OLFM3: variants seen among roughly 807,000 people sequenced by gnomAD.
OLFM3 encodes noelin-3.
A neutral mutation model predicts 48.6 loss-of-function variants in OLFM3; 20 were observed. The observed-to-expected ratio is 0.41, with a 90% CI of 0.29 to 0.60. The LOEUF is 0.60. OLFM3 is among the 20% of genes least tolerant of loss of function. The probability of loss-of-function intolerance (pLI) is 0.28; values close to 1 mark genes in which losing one functional copy is unlikely to be tolerated. For missense variants in OLFM3, 437 were observed against 544.3 expected (o/e 0.80, Z 1.96); for synonymous variants, 222 against 198.1 (o/e 1.12, Z -1.01).
At chr1:101,810,713 A>G (rs890539842) in intron 4 of OLFM3, among the ~76,000 whole-genome samples, 1 of 151,992 alleles carries the variant, frequency 6.6e-6, no homozygotes, top group African/African-American at 2.4e-5. Flanking sequence ...TTTATCCTGT[A>G]AGGAATAGAT....
At chr1:101,896,041 T>C (rs1490674030) in intron 1 of OLFM3, among the ~76,000 whole-genome samples, 3 of 151,332 alleles carry the variant, frequency 2.0e-5, no homozygotes, top group Non-Finnish European at 4.4e-5. Context: ...TCGATTTATG[T>C]AATAAAATAT....
chr1:101,945,702 C>A (rs1336788), intron 1 of OLFM3, among the ~76,000 whole-genome samples: 60,757 of 151,616 alleles, frequency 0.4, 12,425 homozygotes, highest in East Asian at 0.51. Context: ...AATCATAGCA[C>A]TTTGAAAGGC....
At chr1:101,927,515 A>G (rs1456224620) in intron 1 of OLFM3, among the ~76,000 whole-genome samples, 1 of 151,934 alleles carries the variant, frequency 6.6e-6, no homozygotes. Flanking sequence ...TAGCAGCACT[A>G]TGGAAAATTT....
intron 1 of OLFM3, among the ~76,000 whole-genome samples, chr1:101,948,934 A>G (rs565698559): frequency 7.3e-4 from 109 of 149,960 alleles, no homozygotes; most frequent in African/African-American, 2.6e-3. Flanking sequence ...AACAACAACA[A>G]AAAACAAAAG....
chr1:101,821,813 G>T (rs1357937766), intron 4 of OLFM3, among the ~76,000 whole-genome samples: 1 of 152,048 alleles, frequency 6.6e-6, no homozygotes, highest in Non-Finnish European at 1.5e-5. Context: ...AAATAAGAAA[G>T]TTGAATACCG....
intron 2 of OLFM3, among the ~76,000 whole-genome samples, chr1:101,831,683 A>G (rs1655158331): frequency 6.6e-6 from 1 of 152,236 alleles, no homozygotes; most frequent in African/African-American, 2.4e-5. Flanking sequence ...GTTAGTACTC[A>G]AAGCAACAAT....
intron 1 of OLFM3, among the ~76,000 whole-genome samples, chr1:101,935,610 C>T (rs947293245): frequency 8.5e-5 from 13 of 152,116 alleles, no homozygotes; most frequent in Non-Finnish European, 1.8e-4. Context: ...AGGGATTCCT[C>T]CCTAACTTAT....
At chr1:101,824,950 T>TA in intron 4 of OLFM3, 76 bp downstream of exon 4, 1 of 1,276,786 alleles carries the variant, frequency 7.8e-7, no homozygotes, top group Non-Finnish European at 1.1e-6. Flanking sequence ...TATGACTCTT[T>TA]ATAAAACGTA....
At chr1:101,927,695 T>C (rs1427016885) in intron 1 of OLFM3, among the ~76,000 whole-genome samples, 1 of 150,298 alleles carries the variant, frequency 6.7e-6, no homozygotes, top group Admixed American at 6.7e-5. Context: ...AGCAAGTATA[T>C]ATATATGTAT....
chr1:101,973,224 T>C (rs1660859245), intron 1 of OLFM3, among the ~76,000 whole-genome samples: 1 of 152,162 alleles, frequency 6.6e-6, no homozygotes, highest in Non-Finnish European at 1.5e-5. Flanking sequence ...AGTGCTGTAA[T>C]TTAGTCTGAG....
chr1:101,845,391 A>G (rs1185551123), intron 1 of OLFM3, among the ~76,000 whole-genome samples: 3 of 152,190 alleles, frequency 2.0e-5, no homozygotes, highest in African/African-American at 7.2e-5. Flanking sequence ...TCAACAATAA[A>G]AAAAAACCAA....
intron 3 of OLFM3, among the ~76,000 whole-genome samples, chr1:101,825,766 C>T (rs1379092928): frequency 6.6e-6 from 1 of 152,112 alleles, no homozygotes; most frequent in Non-Finnish European, 1.5e-5. Context: ...TTTTCTGACA[C>T]TTAGAATTTT....
intron 1 of OLFM3, among the ~76,000 whole-genome samples, chr1:101,912,818 G>A (rs964141426): frequency 6.6e-6 from 1 of 152,104 alleles, no homozygotes; most frequent in Non-Finnish European, 1.5e-5. Context: ...TGGAAAAATT[G>A]CTATAAATTT....
intron 1 of OLFM3, among the ~76,000 whole-genome samples, chr1:101,903,526 A>T (rs1267928050): frequency 3.3e-5 from 5 of 152,086 alleles, no homozygotes; most frequent in African/African-American, 1.2e-4. Flanking sequence ...TCCGTGCATG[A>T]TGTTAACTGT....
intron 2 of OLFM3, among the ~76,000 whole-genome samples, chr1:101,831,182 T>G (rs1177633335): frequency 6.6e-6 from 1 of 152,234 alleles, no homozygotes; most frequent in Non-Finnish European, 1.5e-5. Flanking sequence ...AAGTTGTTTC[T>G]GTAAGTACTA....
rs577550011 is a variant in OLFM3, at chr1:101,913,402, T to C, written c.70-76377A>G. Among the ~76,000 whole-genome samples, 9 of 152,274 alleles carry C rather than the reference T, an allele frequency of 5.9e-5. No homozygotes were observed. The South Asian group carries it at 1.2e-3, about 21-fold the overall frequency. ...ACTTCTTGGAAAAGGAGTATTACTA[T>C]TACCAGTTAACAGAAAATATTTAAA... On this transcript the variant is annotated intron_variant, in intron 1 of 5. Transcript: ENST00000370103.
intron 1 of OLFM3, among the ~76,000 whole-genome samples, chr1:101,839,133 T>A (rs1655583705): frequency 6.6e-6 from 1 of 152,236 alleles, no homozygotes; most frequent in South Asian, 2.1e-4. Context: ...ATCTTTTGAA[T>A]GTCTTATTTT....
Position 101,881,539 on chromosome 1 carries a change from A to G in OLFM3, c.70-44514T>C, listed in dbSNP as rs1286076207. ...TAATAAGACTCAGTGCTTATTTTTTAAACTGCATTTTAAAAATTGGATAGT... is the reference window on the plus strand; with the variant it reads ...TAATAAGACTCAGTGCTTATTTTTTGAACTGCATTTTAAAAATTGGATAGT... On this transcript the variant is annotated intron_variant, in intron 1 of 5. Transcript: ENST00000370103. Among the ~76,000 whole-genome samples the G allele has an allele frequency of 2.0e-5, 3 of 151,946 alleles. No individual in the cohort carries two copies. In the South Asian group the frequency reaches 6.2e-4, roughly 31 times the overall value.
chr1:101,817,032 A>G (rs1654366521), intron 4 of OLFM3, among the ~76,000 whole-genome samples: 1 of 152,166 alleles, frequency 6.6e-6, no homozygotes, highest in Non-Finnish European at 1.5e-5. Flanking sequence ...AGTGTTAAGT[A>G]ACATAGGTAT....
Sources: gnomAD v4.1 joint callset for allele counts (sites outside exome capture counted in the v4.1 genomes callset) on GRCh38, gnomAD v4.1.1 for gene constraint, MANE v1.5 for transcripts, NCBI Gene and HGNC (gene_info 2026-07-23, HGNC 2026-07-21) for gene names.